The following PIP5K1B variants were observed in gnomAD, a reference collection of about 807,000 sequenced individuals.
The protein encoded by PIP5K1B is phosphatidylinositol-4-phosphate 5-kinase type 1 beta.
PIP5K1B carries 42 observed loss-of-function variants against 67.0 expected under a neutral mutation model. That is an observed-to-expected ratio of 0.63 (90% CI 0.49 to 0.81). The LOEUF (loss-of-function observed/expected upper bound fraction) is 0.81, where lower values mean the gene tolerates loss of function less well. PIP5K1B is among the 30% of genes least tolerant of loss of function. The pLI, the probability that PIP5K1B is intolerant of heterozygous loss-of-function variation, is 0.00. For synonymous variants in PIP5K1B, 214 were observed against 231.4 expected (o/e 0.92, Z 0.68); for missense variants, 459 against 646.3 (o/e 0.71, Z 3.14).
intron 14 of PIP5K1B, among the ~76,000 whole-genome samples, chr9:68,968,177 C>T (rs1377115801): frequency 6.6e-6 from 1 of 152,136 alleles, no homozygotes; most frequent in African/African-American, 2.4e-5. Flanking sequence ...ATCCCCATAC[C>T]ATAGAATCGT....
chr9:68,889,220 C>G, intron 7 of PIP5K1B, 87 bp downstream of exon 7: 1 of 947,134 alleles, frequency 1.1e-6, no homozygotes. Context: ...TTCAGTGACT[C>G]AGGCATGTTT....
intron 2 of PIP5K1B, among the ~76,000 whole-genome samples, chr9:68,743,550 A>G (rs1829123075): frequency 1.3e-5 from 2 of 152,330 alleles, no homozygotes; most frequent in South Asian, 4.1e-4. Context: ...AGAACACTGC[A>G]TATGTGTGAG....
rs1829685848 is a variant in PIP5K1B at position 68,752,532 on chromosome 9, T to G, written c.-86+9875T>G. ...CTTTTTCTTTCTTTCCCTCCCTTGC[T>G]GTCTGCCTTGCTCCTTCTCTTCCTT... On this transcript the variant is annotated intron_variant, in intron 2 of 15. Transcript: ENST00000265382. 3.3e-5 allele frequency among the ~76,000 whole-genome samples: 5 copies of G among 152,098 alleles called. No homozygotes were observed. The South Asian group carries it at 1.0e-3, about 32-fold the overall frequency.
intron 4 of PIP5K1B, among the ~76,000 whole-genome samples, chr9:68,854,064 G>A (rs2132219222): frequency 1.3e-5 from 2 of 148,692 alleles, no homozygotes; most frequent in Non-Finnish European, 3.0e-5. Context: ...AAGCTGGACT[G>A]TACATACCAG....
intron 15 of PIP5K1B, among the ~76,000 whole-genome samples, chr9:68,996,923 TCCTC>T (rs1166271929): frequency 1.3e-4 from 20 of 152,206 alleles, no homozygotes; most frequent in African/African-American, 4.3e-4. Context: ...CATATTAACA[TCCTC>T]TCAATAATAT....
intron 14 of PIP5K1B, among the ~76,000 whole-genome samples, chr9:68,944,203 C>T (rs1173060102): frequency 6.6e-6 from 1 of 152,142 alleles, no homozygotes; most frequent in Non-Finnish European, 1.5e-5. Context: ...TAACTAGCAA[C>T]ATTTAAGTTC....
At chr9:68,709,780 C>T (rs913079075) in intron 1 of PIP5K1B, among the ~76,000 whole-genome samples, 2 of 152,178 alleles carry the variant, frequency 1.3e-5, no homozygotes, top group South Asian at 2.1e-4. Flanking sequence ...TATGGTGGCA[C>T]GTGCCTGTGG....
At position 68,705,540 on chromosome 9, in the gene PIP5K1B, T is replaced by C. The variant is rs916144230; in HGVS notation, c.-465T>C. 1 of 150,206 alleles carries C rather than the reference T, an allele frequency of 6.7e-6. No homozygotes were observed. Among genetic ancestry groups the C allele is most frequent in the Admixed American group, 6.6e-5 (1 of 15,062 alleles). The allele number at this position is 150,206 out of a possible 1,614,324, so 9.3% of individuals were successfully genotyped here. On this transcript the variant is annotated 5_prime_UTR_variant, in exon 1 of 16. Coordinates refer to ENST00000265382, the MANE Select transcript of PIP5K1B (RefSeq NM_003558.4). ...CCCGCCAAGGCGCGTCCGGAGCGAG[T>C]TTGGCCCCGCGGCTCCAGCCCCGGC...
chr9:68,725,843 T>A (rs1022806372), intron 1 of PIP5K1B, among the ~76,000 whole-genome samples: 1 of 152,224 alleles, frequency 6.6e-6, no homozygotes, highest in Non-Finnish European at 1.5e-5. Context: ...TTCTCTTAAG[T>A]ATTAAATAAG....
chr9:68,966,186 G>A (rs1466172209), intron 14 of PIP5K1B, among the ~76,000 whole-genome samples: 2 of 151,994 alleles, frequency 1.3e-5, no homozygotes, highest in African/African-American at 2.4e-5. Context: ...AATAAATGGA[G>A]GAGAGGAGAC....
chr9:68,994,767 T>C (rs1466001425), intron 15 of PIP5K1B, among the ~76,000 whole-genome samples: 1 of 152,198 alleles, frequency 6.6e-6, no homozygotes, highest in African/African-American at 2.4e-5. Flanking sequence ...AATAGGCACC[T>C]GGAGTCTGTG....
intron 14 of PIP5K1B, among the ~76,000 whole-genome samples, chr9:68,990,136 G>C (rs1830295552): frequency 6.6e-6 from 1 of 152,146 alleles, no homozygotes; most frequent in Admixed American, 6.5e-5. Flanking sequence ...AGTTACTAAG[G>C]GTGTGCTCCA....
chr9:68,864,063 A>G, intron 5 of PIP5K1B, 96 bp downstream of exon 5: 1 of 1,143,460 alleles, frequency 8.7e-7, no homozygotes, highest in Non-Finnish European at 1.3e-6. Flanking sequence ...ACATGTTTAT[A>G]TGTACAGATG....
intron 14 of PIP5K1B, chr9:68,963,068 G>A: frequency 2.4e-6 from 1 of 424,892 alleles, no homozygotes. Context: ...ATTTGATTTA[G>A]ATTATTACTC....
chr9:68,804,064 G>A lies in PIP5K1B; in HGVS notation c.-85-14397G>A, dbSNP rs146635576. 6.4e-3 allele frequency among the ~76,000 whole-genome samples: 981 copies of A among 152,244 alleles called. 6 individuals are homozygous for A. Among genetic ancestry groups the A allele is most frequent in the Non-Finnish European group, 0.011 (716 of 68,008 alleles). ...CCTCCATGAGCGTGTGGAGGGGTGG[G>A]GGTGAAGATGGAGAATGGACAACAG... On this transcript the variant is annotated intron_variant, in intron 2 of 15. Coordinates refer to ENST00000265382, the MANE Select transcript of PIP5K1B (RefSeq NM_003558.4).
intron 7 of PIP5K1B, among the ~76,000 whole-genome samples, chr9:68,892,940 G>A (rs1449527195): frequency 6.6e-6 from 1 of 152,056 alleles, no homozygotes; most frequent in Non-Finnish European, 1.5e-5. Context: ...GGGTGTGGCG[G>A]CACACACCTG....
rs992778053 is a variant in PIP5K1B, at chr9:68,810,591, T to C, written c.-85-7870T>C. On this transcript the variant is annotated intron_variant, in intron 2 of 15. Transcript: ENST00000265382. The stretch of plus-strand genomic sequence containing the variant: ...AGCAATTCTCCCACTTATTTGGCCA[T>C]GTATGAGAAGCAAACTCATCTGTGG... Among the ~76,000 whole-genome samples, 3 of 152,352 alleles carry C rather than the reference T, an allele frequency of 2.0e-5. No individual in the cohort carries two copies. In the East Asian group the frequency reaches 5.8e-4, roughly 29 times the overall value.
At chr9:68,750,427 A>G (rs1417003222) in intron 2 of PIP5K1B, among the ~76,000 whole-genome samples, 1 of 152,248 alleles carries the variant, frequency 6.6e-6, no homozygotes, top group Non-Finnish European at 1.5e-5. Context: ...TTCCATAATT[A>G]CAGCTTTCTC....
At chr9:68,932,130 T>G (rs1827034689) in intron 12 of PIP5K1B, among the ~76,000 whole-genome samples, 2 of 152,166 alleles carry the variant, frequency 1.3e-5, no homozygotes, top group Non-Finnish European at 2.9e-5. Flanking sequence ...CTCCATGAAA[T>G]GCCATGAGTA....
Sources: allele counts gnomAD v4.1 joint callset (sites outside exome capture counted in the v4.1 genomes callset), GRCh38; gene constraint gnomAD v4.1.1; transcripts MANE v1.5; gene names NCBI Gene and HGNC (gene_info 2026-07-23, HGNC 2026-07-21).